The following EIF4G1 variants were observed in gnomAD, a reference collection of about 807,000 sequenced individuals.
EIF4G1 encodes EIF4-gamma.
EIF4G1 carries 4 observed loss-of-function variants against 187.8 expected under a neutral mutation model. That is an observed-to-expected ratio of 0.02 (90% CI 0.01 to 0.05). The LOEUF is 0.05. Among genes scored for constraint, EIF4G1 ranks in the 10% least tolerant of loss-of-function variants. The pLI is 1.00. For missense variants in EIF4G1, 1,647 were observed against 2,081.1 expected, an observed-to-expected ratio of 0.79 and a Z score of 4.06; for synonymous variants, 844 against 781.4, an observed-to-expected ratio of 1.08 and a Z score of -1.34.
Position 184,315,824 on chromosome 3 carries a change from C to T in EIF4G1, c.28C>T (p.Pro10Ser), listed in dbSNP as rs1722666577. 6.5e-7 allele frequency: 1 copy of T among 1,550,336 alleles called. No homozygotes were observed. Among genetic ancestry groups the T allele is most frequent in the Non-Finnish European group, 8.7e-7 (1 of 1,145,968 alleles). Residue 10 changes from proline (P) to serine (S), a missense_variant, in exon 3 of 33, where the codon CCC (proline) becomes TCC (serine). Physicochemically the swap from Pro to Ser is moderately conservative, Grantham distance 74 (BLOSUM62 -1). Around this residue, in one of 11 missense-constraint regions of EIF4G1, gnomAD observed 61 missense variants for 49.5 expected, o/e 1.23. Transcript: ENST00000346169. ...GAACAAAGCTCCACAGTCCACAGGC[C>T]CCCCACCCGCCCCATCCCCCGGACT... The part of the protein sequence containing the change: MNKAPQSTG[P>S]PPAPSPGLPQ...
In EIF4G1 at chr3:184,334,764, G is replaced by A. The variant is rs1229272376; in HGVS notation, c.4656G>A (p.Glu1552=). The change falls in exon 33 of 33, where the codon GAG becomes GAA. Residue 1552 remains glutamate (E), a synonymous_variant. Transcript: ENST00000346169. This position sits in a 1 kb window ranked among gnomAD's most constrained non-coding sequence, Gnocchi z 5.8. Reference sequence around the variant, plus strand: ...TGTTCTTTGACGCACTGTATGACGAGGACGTGGTGAAGGAGGATGCCTTCT... The same window carrying A: ...TGTTCTTTGACGCACTGTATGACGAAGACGTGGTGAAGGAGGATGCCTTCT... The part of the protein sequence containing the change: ...LRMFFDALYD[E]DVVKEDAFYS... 1.6e-5 allele frequency: 26 copies of A among 1,614,114 alleles called. No individual in the cohort carries two copies. Among genetic ancestry groups the A allele is most frequent in the Non-Finnish European group, 2.2e-5 (26 of 1,180,050 alleles).
In EIF4G1 at chr3:184,323,063, T is replaced by C; in HGVS notation, c.1930-20T>C. On this transcript the variant is annotated intron_variant, in intron 13 of 32. Coordinates refer to ENST00000346169, the MANE Select transcript of EIF4G1 (RefSeq NM_198241.3). This position sits in a 1 kb window ranked among gnomAD's most constrained non-coding sequence, Gnocchi z 6.9. ...ACCGCTCTAGCCTGCTTCTGAGACC[T>C]TTTCCTGTCCTCTTTGCAGGCCAAT... 6.2e-7 allele frequency: 1 copy of C among 1,614,156 alleles called. No homozygotes were observed. The highest frequency in any genetic ancestry group is 8.5e-7 in the Non-Finnish European group (1 of 1,180,018).
rs983545533 is a variant in EIF4G1 at position 184,323,687 on chromosome 3, T to A, written c.2275-93T>A. The stretch of plus-strand genomic sequence containing the variant: ...CTTCTTTTTGTCCTTATCACTAGCA[T>A]CTGTCATGCCTAAGTCCCCACCACC... On this transcript the variant is annotated intron_variant, in intron 15 of 32. Coordinates refer to ENST00000346169, the MANE Select transcript of EIF4G1 (RefSeq NM_198241.3). This position sits in a 1 kb window ranked among gnomAD's most constrained non-coding sequence, Gnocchi z 6.9. 7.5e-6 allele frequency: 12 copies of A among 1,609,902 alleles called. No homozygotes were observed. Among genetic ancestry groups the A allele is most frequent in the African/African-American group, 1.3e-5 (1 of 74,844 alleles).
At position 184,325,591 on chromosome 3, in the gene EIF4G1, G is replaced by T; in HGVS notation, c.3073G>T (p.Ala1025Ser). Residue 1025 changes from alanine to serine, a missense_variant, in exon 20 of 33, where the codon GCC becomes TCC. This residue lies in a region of EIF4G1 where 142 missense variants were observed against 296.6 expected (regional missense o/e 0.48). Coordinates refer to ENST00000346169, the MANE Select transcript of EIF4G1 (RefSeq NM_198241.3). The surrounding 1 kb of genome is among the most constrained non-coding windows in gnomAD (Gnocchi z 5.2). ...REHIKVQQLM[A>S]KGSDKRRGGP... ...GCACATCAAAGTGCAGCAGCTCATGGCCAAGGGCAGTGACAAGCGTCGGGG... is the reference window on the plus strand; with the variant it reads ...GCACATCAAAGTGCAGCAGCTCATGTCCAAGGGCAGTGACAAGCGTCGGGG... 6.2e-7 allele frequency: 1 copy of T among 1,614,234 alleles called. No homozygotes were observed. The highest frequency in any genetic ancestry group is 8.5e-7 in the Non-Finnish European group (1 of 1,180,054).
In EIF4G1 at chr3:184,328,870, T is replaced by C. The variant is rs1202426695; in HGVS notation, c.4080-39T>C. Reference sequence around the variant, plus strand: ...GGAGATGGAGTAGTGGTGAGAGAACTGTGGAGGCTGTCAGCATTAGGTTTT... The same window carrying C: ...GGAGATGGAGTAGTGGTGAGAGAACCGTGGAGGCTGTCAGCATTAGGTTTT... On this transcript the variant is annotated intron_variant, in intron 27 of 32. Coordinates refer to ENST00000346169, the MANE Select transcript of EIF4G1 (RefSeq NM_198241.3). The C allele has an allele frequency of 2.5e-6, 4 of 1,613,804 alleles. 1 individual carries two copies. The highest frequency in any genetic ancestry group is 2.2e-5 in the South Asian group (2 of 91,070).
chr3:184,323,488 A>G lies in EIF4G1; in HGVS notation c.2169A>G (p.Glu723=), dbSNP rs2108491095. Residue 723 remains glutamate (E), a synonymous_variant, in exon 15 of 33, where the codon GAA becomes GAG. Transcript: ENST00000346169. This position sits in a 1 kb window ranked among gnomAD's most constrained non-coding sequence, Gnocchi z 6.9. Reference sequence around the variant, plus strand: ...TCATTGCCACAGTGTTAATGACCGAAGATATAAAACTGAACAAAGCAGAGA... The same window carrying G: ...TCATTGCCACAGTGTTAATGACCGAGGATATAAAACTGAACAAAGCAGAGA... ...RKIIATVLMT[E]DIKLNKAEKA... The G allele has an allele frequency of 6.2e-7, 1 of 1,614,208 alleles. No individual in the cohort carries two copies. The highest frequency in any genetic ancestry group is 8.5e-7 in the Non-Finnish European group (1 of 1,180,042).
chr3:184,315,372 A>C (rs1722576033), intron 1 of EIF4G1, 117 bp from the exon 2 acceptor site: 1 of 522,750 alleles, frequency 1.9e-6, no homozygotes, highest in African/African-American at 1.9e-5. Context: ...GCCACGGCCG[A>C]AGCAGCTAGC....
At position 184,315,541 on chromosome 3, in the gene EIF4G1, A is replaced by AG. The variant is rs746883253; in HGVS notation, c.-35+1dup. ...CGCACCGTGGACTTGTTCTTAATCGAGGGGGTGAGTGAGGGGTCTGTTTCA... is the reference window on the plus strand; with the variant it reads ...CGCACCGTGGACTTGTTCTTAATCGAGGGGGGTGAGTGAGGGGTCTGTTTCA... On this transcript the variant is annotated 5_prime_UTR_variant, in exon 2 of 33. Transcript: ENST00000346169. 2.7e-6 allele frequency: 2 copies of AG among 743,070 alleles called. No homozygotes were observed. The highest frequency in any genetic ancestry group is 5.0e-6 in the Non-Finnish European group (2 of 401,710). The allele number at this position is 743,070 out of a possible 1,614,324, so 46.0% of individuals were successfully genotyped here.
In EIF4G1 at chr3:184,315,620, A is replaced by T. The variant is rs73187631; in HGVS notation, c.-35+75A>T. On this transcript the variant is annotated intron_variant, in intron 2 of 32. Coordinates refer to ENST00000346169, the MANE Select transcript of EIF4G1 (RefSeq NM_198241.3). The stretch of plus-strand genomic sequence containing the variant: ...CGGGTTTGACAGCATGTTGGTGGGG[A>T]CAGGCTGTATCTTTTCTGCTTCACC... 0.2 allele frequency: 154,754 copies of T among 772,026 alleles called. 17,977 individuals carry two copies. Among genetic ancestry groups the T allele is most frequent in the South Asian group, 0.28 (20,341 of 71,552 alleles). The allele number at this position is 772,026 out of a possible 1,614,324, so 47.8% of individuals were successfully genotyped here. A position where few individuals can be genotyped will look rare whatever the true frequency, so the allele number is the denominator to read the frequency against.
At position 184,331,220 on chromosome 3, in the gene EIF4G1, GGA is replaced by G. The variant is rs760449113; in HGVS notation, c.4162-36_4162-35del. Reference sequence around the variant, plus strand: ...AATGTGGTAGAGCTGTTGGGTCCTTGGAGAGAGAGAGCTTTGGTAAGCTGGGT... The same window carrying G: ...AATGTGGTAGAGCTGTTGGGTCCTTGGAGAGAGAGCTTTGGTAAGCTGGGT... On this transcript the variant is annotated intron_variant, in intron 28 of 32. Transcript: ENST00000346169. 2.5e-6 allele frequency: 4 copies of G among 1,597,170 alleles called. No individual in the cohort carries two copies. The South Asian group carries it at 3.3e-5, about 13-fold the overall frequency.
At chr3:184,326,813 C>T in intron 22 of EIF4G1, 68 bp from the exon 23 acceptor site, 1 of 1,593,896 alleles carries the variant, frequency 6.3e-7, no homozygotes, top group African/African-American at 1.3e-5. Flanking sequence ...GTGTCCTAAA[C>T]TGGCAAGTAG....
rs535413338 is a variant in EIF4G1, at chr3:184,320,440, G to A, written c.538-190G>A. Reference sequence around the variant, plus strand: ...CTCTGTGAGATCAAGGGTCTCTTAAGGGTGGGAGCTGGGGCAGGGACTACG... The same window carrying A: ...CTCTGTGAGATCAAGGGTCTCTTAAAGGTGGGAGCTGGGGCAGGGACTACG... On this transcript the variant is annotated intron_variant, in intron 7 of 32. Coordinates refer to ENST00000346169, the MANE Select transcript of EIF4G1 (RefSeq NM_198241.3). The A allele has an allele frequency of 1.0e-5, 15 of 1,497,100 alleles. No individual in the cohort carries two copies. The South Asian group carries it at 2.0e-4, about 20-fold the overall frequency. The allele number at this position is 1,497,100 out of a possible 1,614,324, so 92.7% of individuals were successfully genotyped here.
chr3:184,315,631 C>T (rs1433055821), intron 2 of EIF4G1, 86 bp downstream of exon 2: 2 of 782,158 alleles, frequency 2.6e-6, no homozygotes, highest in Non-Finnish European at 4.6e-6. Context: ...CAGGCTGTAT[C>T]TTTTCTGCTT....
At chr3:184,320,521 C>G (rs989570467) in intron 7 of EIF4G1, 109 bp from the exon 8 acceptor site, 5 of 1,591,124 alleles carry the variant, frequency 3.1e-6, no homozygotes, top group Middle Eastern at 2.0e-4. Context: ...ACCTACCTAC[C>G]TGCTTCCCGC....
intron 24 of EIF4G1, 23 bp downstream of exon 24, chr3:184,327,471 G>A (rs781252764): frequency 6.2e-7 from 1 of 1,613,618 alleles, no homozygotes; most frequent in East Asian, 2.2e-5. Context: ...GAGAGGAATG[G>A]AGGGAAAGGC....
At chr3:184,320,535 G>T (rs968567199) in intron 7 of EIF4G1, 95 bp from the exon 8 acceptor site, 22 of 1,605,156 alleles carry the variant, frequency 1.4e-5, no homozygotes, top group Non-Finnish European at 1.8e-5. Flanking sequence ...TTCCCGCTGG[G>T]GGGTGGGGAG....
At chr3:184,319,543 C>G (rs1723475840) in intron 6 of EIF4G1, 146 bp from the exon 7 acceptor site, 1 of 677,700 alleles carries the variant, frequency 1.5e-6, no homozygotes, top group South Asian at 1.6e-5. Context: ...ACACCTAATT[C>G]CCTGGGGGAG....
chr3:184,332,628 C>T (rs1257137099), intron 32 of EIF4G1, among the ~76,000 whole-genome samples: 4 of 151,892 alleles, frequency 2.6e-5, no homozygotes, highest in Admixed American at 6.6e-5. Flanking sequence ...CCTGGGAAGA[C>T]GGGTGCTCTC....
At chr3:184,320,049 A>G (rs1413303508) in intron 7 of EIF4G1, among the ~76,000 whole-genome samples, 1 of 152,172 alleles carries the variant, frequency 6.6e-6, no homozygotes, top group African/African-American at 2.4e-5. Flanking sequence ...GGGGGTTGGA[A>G]GAACTATGCT....
Sources: allele counts gnomAD v4.1 joint callset (sites outside exome capture counted in the v4.1 genomes callset), GRCh38; gene constraint gnomAD v4.1.1; regional missense constraint gnomAD v4.1.1; non-coding constraint Gnocchi (gnomAD v3.1); transcripts MANE v1.5; gene names NCBI Gene and HGNC (gene_info 2026-07-23, HGNC 2026-07-21).